MIR2052HG: variants seen among roughly 807,000 people sequenced by gnomAD.
The protein encoded by MIR2052HG is MIR2052 host gene.
chr8:74,628,048 C>T (rs1808459353), intron 2 of MIR2052HG, among the ~76,000 whole-genome samples: 1 of 152,074 alleles, frequency 6.6e-6, no homozygotes. Flanking sequence ...TGCACTGATG[C>T]CTTCTGATTG....
At chr8:74,687,901 T>C (rs146173770) in intron 2 of MIR2052HG, among the ~76,000 whole-genome samples, 1 of 152,298 alleles carries the variant, frequency 6.6e-6, no homozygotes, top group Non-Finnish European at 1.5e-5. Flanking sequence ...ACCTTGATTG[T>C]GGTGGTGTTA....
At chr8:74,748,311 T>G (rs1809908255) in intron 4 of MIR2052HG, among the ~76,000 whole-genome samples, 1 of 152,222 alleles carries the variant, frequency 6.6e-6, no homozygotes, top group African/African-American at 2.4e-5. Flanking sequence ...ATAGTGTTCT[T>G]GGTCTAGTAA....
chr8:74,741,886 A>G (rs950832461), intron 4 of MIR2052HG, among the ~76,000 whole-genome samples: 15 of 152,222 alleles, frequency 9.9e-5, no homozygotes, highest in Non-Finnish European at 2.2e-4. Context: ...ACATTTGTTC[A>G]CAGTATGGGC....
chr8:74,675,842 A>G (rs1238409418), intron 2 of MIR2052HG, among the ~76,000 whole-genome samples: 1 of 152,022 alleles, frequency 6.6e-6, no homozygotes, highest in Non-Finnish European at 1.5e-5. Context: ...TGCTCCTCCT[A>G]CATGCGCAAT....
chr8:74,602,817 GTTTCTTTCTTTC>G lies in MIR2052HG; in HGVS notation n.128+2957_128+2968del, dbSNP rs58455200. On this transcript the variant is annotated intron_variant and non_coding_transcript_variant, in intron 1 of 6. Transcript: ENST00000523442. ...GATGTGAGCTGCCATGCCCGGCCGT[GTTTCTTTCTTTC>G]TTTCTTTCTTTCTTTCTTTCTTTCT... Among the ~76,000 whole-genome samples the G allele has an allele frequency of 2.8e-3, 210 of 73,848 alleles. 1 individual carries two copies. The highest frequency in any genetic ancestry group is 0.014 in the East Asian group (19 of 1,372). The allele number at this position is 73,848 out of a possible 152,430, so 48.4% of individuals were successfully genotyped here. A position where few individuals can be genotyped will look rare whatever the true frequency, so the allele number is the denominator to read the frequency against.
intron 2 of MIR2052HG, among the ~76,000 whole-genome samples, chr8:74,618,962 C>T (rs1409484003): frequency 6.6e-6 from 1 of 152,046 alleles, no homozygotes; most frequent in Non-Finnish European, 1.5e-5. Context: ...TATACAAAGT[C>T]AACATACAAA....
At chr8:74,675,938 T>C (rs1355407576) in intron 2 of MIR2052HG, among the ~76,000 whole-genome samples, 1 of 151,990 alleles carries the variant, frequency 6.6e-6, no homozygotes, top group Non-Finnish European at 1.5e-5. Context: ...ATTTGTTAAT[T>C]AAAAGAGATC....
intron 2 of MIR2052HG, among the ~76,000 whole-genome samples, chr8:74,656,987 A>G (rs1808813915): frequency 6.6e-6 from 1 of 152,238 alleles, no homozygotes; most frequent in South Asian, 2.1e-4. Context: ...CTAGAGGCAT[A>G]GAACAGAATA....
chr8:74,654,798 G>A (rs148510656), intron 2 of MIR2052HG, among the ~76,000 whole-genome samples: 3,174 of 152,240 alleles, frequency 0.021, 46 homozygotes, highest in Non-Finnish European at 0.03. Context: ...ATGTGGAAGC[G>A]ACTTTGGAAC....
intron 4 of MIR2052HG, among the ~76,000 whole-genome samples, chr8:74,704,128 T>C (rs2128741096): frequency 6.6e-6 from 1 of 152,028 alleles, no homozygotes; most frequent in East Asian, 1.9e-4. Context: ...ATTTTTTTTC[T>C]ATTAATTTTC....
intron 2 of MIR2052HG, among the ~76,000 whole-genome samples, chr8:74,685,986 A>C (rs147116240): frequency 3.3e-4 from 50 of 152,066 alleles, no homozygotes; most frequent in African/African-American, 1.1e-3. Context: ...TCAGACACCT[A>C]TTTCCTTGCT....
intron 3 of MIR2052HG, among the ~76,000 whole-genome samples, chr8:74,703,372 C>T (rs1039799557): frequency 8.6e-5 from 13 of 151,940 alleles, no homozygotes; most frequent in Non-Finnish European, 1.5e-5. Context: ...TCAAAGAAAC[C>T]TATGGTCTTT....
chr8:74,675,993 G>C (rs1809047441), intron 2 of MIR2052HG, among the ~76,000 whole-genome samples: 1 of 151,760 alleles, frequency 6.6e-6, no homozygotes, highest in African/African-American at 2.4e-5. Flanking sequence ...GCCAGAGAGA[G>C]GAAAAATTCA....
At chr8:74,753,832 C>A (rs1404088084) in intron 5 of MIR2052HG, among the ~76,000 whole-genome samples, 1 of 152,176 alleles carries the variant, frequency 6.6e-6, no homozygotes, top group Non-Finnish European at 1.5e-5. Flanking sequence ...TGCCTAAAAA[C>A]TATGCTCTTC....
At chr8:74,654,196 G>A (rs1361191637) in intron 2 of MIR2052HG, among the ~76,000 whole-genome samples, 1 of 152,100 alleles carries the variant, frequency 6.6e-6, no homozygotes, top group Non-Finnish European at 1.5e-5. Context: ...CAAGGAAAAG[G>A]TTTGGAGAAC....
intron 1 of MIR2052HG, among the ~76,000 whole-genome samples, chr8:74,610,785 A>G (rs1236338221): frequency 1.3e-5 from 2 of 152,042 alleles, no homozygotes; most frequent in Admixed American, 1.3e-4. Context: ...CAATAATTCA[A>G]TTGAATAACA....
intron 2 of MIR2052HG, among the ~76,000 whole-genome samples, chr8:74,653,276 C>G (rs896934144): frequency 3.9e-5 from 6 of 152,132 alleles, no homozygotes; most frequent in Admixed American, 6.6e-5. Context: ...GTTTATTTTG[C>G]CAAGAGATTT....
chr8:74,679,883 C>T (rs184673114), intron 2 of MIR2052HG, among the ~76,000 whole-genome samples: 2 of 152,044 alleles, frequency 1.3e-5, no homozygotes, highest in Middle Eastern at 3.4e-3. Flanking sequence ...AGAAGTGTTC[C>T]CTGTGGAATT....
intron 2 of MIR2052HG, among the ~76,000 whole-genome samples, chr8:74,676,156 C>T (rs958866665): frequency 1.3e-5 from 2 of 151,932 alleles, no homozygotes; most frequent in African/African-American, 4.8e-5. Flanking sequence ...AGAACTAAAG[C>T]AGAGGGTTAA....
Sources: allele counts gnomAD v4.1 joint callset (sites outside exome capture counted in the v4.1 genomes callset), GRCh38; gene constraint gnomAD v4.1.1; transcripts MANE v1.5; gene names NCBI Gene and HGNC (gene_info 2026-07-23, HGNC 2026-07-21).